PLXNA4: variants seen among roughly 807,000 people sequenced by gnomAD.
PLXNA4 encodes plexin A4, also known as plexin-A4.
A neutral mutation model predicts 191.8 loss-of-function variants in PLXNA4; 44 were observed. That is an observed-to-expected ratio of 0.23 (90% CI 0.18 to 0.29). The LOEUF (loss-of-function observed/expected upper bound fraction) is 0.29, where lower values mean the gene tolerates loss of function less well. Ranked by LOEUF, PLXNA4 falls within the 10% of genes least tolerant of loss-of-function variation. The probability of loss-of-function intolerance (pLI) is 1.00; values close to 1 mark genes in which losing one functional copy is unlikely to be tolerated. For missense variants in PLXNA4, 1,800 were observed against 2,488.8 expected (o/e 0.72, Z 5.89); for synonymous variants, 1,082 against 1,009.5 (o/e 1.07, Z -1.36).
intron 5 of PLXNA4, among the ~76,000 whole-genome samples, chr7:132,238,752 G>A (rs1451192158): frequency 1.3e-5 from 2 of 152,076 alleles, no homozygotes; most frequent in African/African-American, 4.8e-5. Context: ...CCCCCAGGAA[G>A]AGAAGCATGC....
At chr7:132,462,618 A>T (rs941128272) in intron 3 of PLXNA4, among the ~76,000 whole-genome samples, 2 of 151,952 alleles carry the variant, frequency 1.3e-5, no homozygotes, top group African/African-American at 4.8e-5. Flanking sequence ...AATTATTATT[A>T]TTTTGTACAG....
At chr7:132,362,451 G>A (rs767517556) in intron 3 of PLXNA4, among the ~76,000 whole-genome samples, 88 of 152,158 alleles carry the variant, frequency 5.8e-4, no homozygotes, top group Non-Finnish European at 1.0e-3. Flanking sequence ...ATAAATCAGG[G>A]GCACCCAGAC....
intron 4 of PLXNA4, among the ~76,000 whole-genome samples, chr7:132,267,601 A>G (rs1799905394): frequency 6.6e-6 from 1 of 152,216 alleles, no homozygotes; most frequent in Admixed American, 6.5e-5. Context: ...TCATGCCATC[A>G]TCTCATGGTA....
At chr7:132,331,647 C>T (rs55725449) in intron 3 of PLXNA4, among the ~76,000 whole-genome samples, 158 of 152,304 alleles carry the variant, frequency 1.0e-3, no homozygotes, top group Non-Finnish European at 1.9e-3. Context: ...TCAAAGTGCA[C>T]AGTATTTTTC....
chr7:132,501,576 C>T (rs551950714), intron 2 of PLXNA4, among the ~76,000 whole-genome samples: 4 of 152,342 alleles, frequency 2.6e-5, no homozygotes, highest in Admixed American at 2.0e-4. Flanking sequence ...AAACCCAACA[C>T]ATCGCCCAGG....
chr7:132,276,932 T>C lies in PLXNA4; in HGVS notation c.1503+21159A>G, dbSNP rs941082247. ...TTTATGAATTGGCATCTGGGGGAGG[T>C]GCTGAGCCCCTAGATGGATTCATCG... is the stretch of plus-strand genomic sequence containing the variant. On this transcript the variant is annotated intron_variant, in intron 4 of 31. Coordinates refer to ENST00000321063, the MANE Select transcript of PLXNA4 (RefSeq NM_020911.2). Among the ~76,000 whole-genome samples the C allele has an allele frequency of 4.6e-5, 7 of 152,026 alleles. No individual in the cohort carries two copies. In the South Asian group the frequency reaches 1.5e-3, roughly 32 times the overall value.
intron 3 of PLXNA4, among the ~76,000 whole-genome samples, chr7:132,422,346 T>C (rs1794878738): frequency 1.3e-5 from 2 of 152,166 alleles, no homozygotes; most frequent in South Asian, 4.1e-4. Context: ...TCCCTCCAGA[T>C]TTTCTACAGC....
At chr7:132,436,421 A>C (rs1795471149) in intron 3 of PLXNA4, among the ~76,000 whole-genome samples, 1 of 152,226 alleles carries the variant, frequency 6.6e-6, no homozygotes, top group African/African-American at 2.4e-5. Context: ...TCCTGGAGCC[A>C]GGCGGCGGAA....
In PLXNA4 at chr7:132,224,267, G is replaced by A. The variant is rs551891462; in HGVS notation, c.1983-626C>T. 6.6e-5 allele frequency among the ~76,000 whole-genome samples: 10 copies of A among 152,216 alleles called. No individual in the cohort carries two copies. In the South Asian group the frequency reaches 1.7e-3, roughly 25 times the overall value. On this transcript the variant is annotated intron_variant, in intron 8 of 31. Coordinates refer to ENST00000321063, the MANE Select transcript of PLXNA4 (RefSeq NM_020911.2). ...GGTATAGATGACCACTGCCCCCAAC[G>A]CAGGTTTGTTGCTTTGGCCACGAAT...
chr7:132,146,906 A>G (rs1008208850), intron 27 of PLXNA4, among the ~76,000 whole-genome samples: 3 of 152,176 alleles, frequency 2.0e-5, no homozygotes, highest in African/African-American at 7.2e-5. Flanking sequence ...TCTGTGGCTA[A>G]TTCTACCCAC....
chr7:132,180,751 A>T lies in PLXNA4; in HGVS notation c.3493-19T>A. On this transcript the variant is annotated intron_variant, in intron 18 of 31. Transcript: ENST00000321063. ...TCTTGCCCTGTACAAATGGGAAAGCACCAGTTCCCACCCCAGAGTGAGGAC... is the reference window on the plus strand; with the variant it reads ...TCTTGCCCTGTACAAATGGGAAAGCTCCAGTTCCCACCCCAGAGTGAGGAC... 1 of 1,602,936 alleles carries T rather than the reference A, an allele frequency of 6.2e-7. No homozygotes were observed. The highest frequency in any genetic ancestry group is 2.2e-5 in the East Asian group (1 of 44,528).
At chr7:132,595,038 CAGACAGAT>C (rs1322916047) in intron 2 of PLXNA4, among the ~76,000 whole-genome samples, 113 of 148,116 alleles carry the variant, frequency 7.6e-4, no homozygotes, top group African/African-American at 2.5e-3. Flanking sequence ...GACAGACAGA[CAGACAGAT>C]AGATAGAGAG....
At position 132,489,491 on chromosome 7, in the gene PLXNA4, G is replaced by C. The variant is rs570493561; in HGVS notation, c.1189-17C>G. The C allele has an allele frequency of 4.6e-6, 7 of 1,530,306 alleles. No homozygotes were observed. The highest frequency in any genetic ancestry group is 4.6e-5 in the East Asian group (2 of 43,568). 94.8% of individuals were successfully genotyped at this position (1,530,306 alleles called of 1,614,324 possible). On this transcript the variant is annotated splice_polypyrimidine_tract_variant and intron_variant, in intron 2 of 31. Coordinates refer to ENST00000321063, the MANE Select transcript of PLXNA4 (RefSeq NM_020911.2). ...GGTTAAGAGCTGCAAATTTTAAAAA[G>C]AGAAAAATTAGAAGGGAGCGTCAAG...
At chr7:132,523,508 C>T (rs941393584) in intron 1 of PLXNA4, among the ~76,000 whole-genome samples, 3 of 152,098 alleles carry the variant, frequency 2.0e-5, no homozygotes, top group African/African-American at 7.2e-5. Context: ...CAGAAGAGCA[C>T]GGAAGGATGG....
rs762186936 is a variant in PLXNA4 at position 132,507,904 on chromosome 7, C to A, written c.790G>T (p.Val264Leu). Residue 264 changes from valine to leucine, a missense_variant, in exon 2 of 32, where the codon GTG becomes TTG. Physicochemically the swap from Val to Leu is conservative, Grantham distance 32. Transcript: ENST00000321063. ...VYFLTLQPEM[V>L]SPPGSTTKEQ... ...TTGGTGGTGGAGCCTGGTGGAGACACCATCTCAGGTTGGAGGGTCAAAAAG... is the reference window on the plus strand; with the variant it reads ...TTGGTGGTGGAGCCTGGTGGAGACAACATCTCAGGTTGGAGGGTCAAAAAG... 2 of 1,614,124 alleles carry A rather than the reference C, an allele frequency of 1.2e-6. No individual in the cohort carries two copies. Among genetic ancestry groups the A allele is most frequent in the Non-Finnish European group, 1.7e-6 (2 of 1,180,038 alleles).
intron 3 of PLXNA4, among the ~76,000 whole-genome samples, chr7:132,433,392 A>G (rs1319664877): frequency 6.6e-6 from 1 of 152,200 alleles, no homozygotes; most frequent in Non-Finnish European, 1.5e-5. Flanking sequence ...ACCCTTGCTC[A>G]TTAGTGCCAA....
chr7:132,427,170 A>G (rs890275342), intron 3 of PLXNA4, among the ~76,000 whole-genome samples: 1 of 152,208 alleles, frequency 6.6e-6, no homozygotes, highest in African/African-American at 2.4e-5. Flanking sequence ...CAGAGGGAAG[A>G]GCTTCTGGGA....
At chr7:132,403,618 T>C (rs892450650) in intron 3 of PLXNA4, among the ~76,000 whole-genome samples, 5 of 152,120 alleles carry the variant, frequency 3.3e-5, no homozygotes, top group African/African-American at 1.2e-4. Flanking sequence ...GACTTTTTTT[T>C]CCCTTCCTGG....
chr7:132,410,013 T>G (rs1415468772), intron 3 of PLXNA4, among the ~76,000 whole-genome samples: 1 of 152,134 alleles, frequency 6.6e-6, no homozygotes, highest in Non-Finnish European at 1.5e-5. Context: ...TGGAATTGAG[T>G]CCCTTGGGTT....
Sources: gnomAD v4.1 joint callset for allele counts (sites outside exome capture counted in the v4.1 genomes callset) on GRCh38, gnomAD v4.1.1 for gene constraint, MANE v1.5 for transcripts, NCBI Gene and HGNC (gene_info 2026-07-23, HGNC 2026-07-21) for gene names.